SAMMSON: variants seen among roughly 807,000 people sequenced by gnomAD.
SAMMSON encodes survival associated mitochondrial melanoma specific oncogenic non-coding RNA, also known as long intergenic non-protein coding RNA 1212.
At chr3:70,252,809 G>T (rs1385066431) in intron 6 of SAMMSON, among the ~76,000 whole-genome samples, 1 of 152,192 alleles carries the variant, frequency 6.6e-6, no homozygotes, top group Non-Finnish European at 1.5e-5. Context: ...GCCAGGCGCG[G>T]TGGCTCATGC....
chr3:70,398,414 G>C (rs1383563986), intron 2 of SAMMSON, among the ~76,000 whole-genome samples: 1 of 152,062 alleles, frequency 6.6e-6, no homozygotes, highest in African/African-American at 2.4e-5. Flanking sequence ...AGAAAAACTG[G>C]TTTCTTAAAC....
chr3:70,174,206 A>G lies in SAMMSON; in HGVS notation n.508-74901A>G, dbSNP rs140327538. Reference sequence around the variant, plus strand: ...ATTTTCAGGTTTAAACCACACCTCTACATCTGAGTGTTTATTAAGATGGTA... The same window carrying G: ...ATTTTCAGGTTTAAACCACACCTCTGCATCTGAGTGTTTATTAAGATGGTA... On this transcript the variant is annotated intron_variant and non_coding_transcript_variant, in intron 4 of 9. Coordinates refer to ENST00000642114, the Ensembl canonical transcript of SAMMSON. Among the ~76,000 whole-genome samples, 79 of 152,134 alleles carry G rather than the reference A, an allele frequency of 5.2e-4. 1 individual carries two copies. Among genetic ancestry groups the G allele is most frequent in the African/African-American group, 1.8e-3 (76 of 41,550 alleles).
chr3:70,391,867 A>G (rs1479216444), downstream of SAMMSON, among the ~76,000 whole-genome samples: 2 of 152,170 alleles, frequency 1.3e-5, no homozygotes, highest in African/African-American at 4.8e-5. Context: ...AATTTTGTAT[A>G]AAATAAAGAT....
chr3:70,347,918 C>CTA (rs1702763955), intron 7 of SAMMSON, among the ~76,000 whole-genome samples: 1 of 152,138 alleles, frequency 6.6e-6, no homozygotes. Flanking sequence ...TGGTATATGC[C>CTA]TATAATCCCA....
chr3:70,012,304 TGTGA>T (rs1471637807), intron 1 of SAMMSON: 1 of 152,074 alleles, frequency 6.6e-6, no homozygotes, highest in Non-Finnish European at 1.5e-5. Flanking sequence ...ACTTTGTAGA[TGTGA>T]TTAAGAATCT....
chr3:70,406,901 T>G (rs949601652), intron 2 of SAMMSON, among the ~76,000 whole-genome samples: 2 of 152,196 alleles, frequency 1.3e-5, no homozygotes, highest in South Asian at 4.1e-4. Context: ...TATTAGTCTG[T>G]TTTCGTGCTG....
chr3:70,164,749 G>T (rs770996789), intron 4 of SAMMSON, among the ~76,000 whole-genome samples: 9 of 151,990 alleles, frequency 5.9e-5, no homozygotes, highest in African/African-American at 9.7e-5. Context: ...CTACCACAAA[G>T]AATTAAGTGA....
At chr3:70,234,887 T>A (rs1298250444) in intron 4 of SAMMSON, among the ~76,000 whole-genome samples, 1 of 152,178 alleles carries the variant, frequency 6.6e-6, no homozygotes, top group Non-Finnish European at 1.5e-5. Flanking sequence ...CTGTCACTTT[T>A]TAAACGCTGC....
chr3:70,127,971 A>G (rs1191279944), intron 4 of SAMMSON, among the ~76,000 whole-genome samples: 1 of 152,160 alleles, frequency 6.6e-6, no homozygotes, highest in Non-Finnish European at 1.5e-5. Context: ...GATAGTTCAT[A>G]CTCTGGAGTA....
intron 4 of SAMMSON, among the ~76,000 whole-genome samples, chr3:70,082,599 C>T (rs1371628001): frequency 6.6e-6 from 1 of 152,114 alleles, no homozygotes; most frequent in East Asian, 1.9e-4. Flanking sequence ...CTTGCCAATA[C>T]TTAGAGGGAA....
intron 4 of SAMMSON, among the ~76,000 whole-genome samples, chr3:70,111,287 C>T (rs987629191): frequency 3.2e-4 from 49 of 152,040 alleles, no homozygotes; most frequent in Non-Finnish European, 8.8e-5. Flanking sequence ...AAAACCAATT[C>T]GTTGTTGGGT....
intron 3 of SAMMSON, among the ~76,000 whole-genome samples, chr3:70,046,701 T>A (rs992109163): frequency 6.6e-6 from 1 of 152,154 alleles, no homozygotes; most frequent in Non-Finnish European, 1.5e-5. Context: ...GTATTTATTA[T>A]TGTACAGTTC....
intron 9 of SAMMSON, among the ~76,000 whole-genome samples, chr3:70,375,447 C>T (rs1266375837): frequency 2.1e-5 from 3 of 145,532 alleles, no homozygotes; most frequent in Non-Finnish European, 4.5e-5. Context: ...ATCTTTATAT[C>T]GATGCTGTTC....
chr3:70,253,053 C>T (rs74637859), intron 6 of SAMMSON, among the ~76,000 whole-genome samples: 4,368 of 151,990 alleles, frequency 0.029, 164 homozygotes, highest in East Asian at 0.2. Context: ...GTACTCCAGC[C>T]TGGGGGACAA....
intron 9 of SAMMSON, among the ~76,000 whole-genome samples, chr3:70,373,355 T>C (rs1170293180): frequency 6.6e-6 from 1 of 152,178 alleles, no homozygotes; most frequent in Non-Finnish European, 1.5e-5. Flanking sequence ...TCATTTGTTT[T>C]TCCCCATAGG....
intron 4 of SAMMSON, among the ~76,000 whole-genome samples, chr3:70,098,138 A>G (rs890516237): frequency 1.3e-5 from 2 of 152,184 alleles, no homozygotes; most frequent in African/African-American, 4.8e-5. Flanking sequence ...GGATAGAGAA[A>G]TTATTGCAGG....
intron 1 of SAMMSON, among the ~76,000 whole-genome samples, chr3:70,011,045 T>C (rs571275244): frequency 5.3e-5 from 8 of 152,148 alleles, no homozygotes; most frequent in Non-Finnish European, 1.0e-4. Flanking sequence ...AGAGCCAAAC[T>C]ATATCAGCCG....
intron 4 of SAMMSON, among the ~76,000 whole-genome samples, chr3:70,101,667 A>C (rs935099058): frequency 2.6e-5 from 4 of 152,172 alleles, no homozygotes; most frequent in African/African-American, 9.6e-5. Context: ...AATACCTTAC[A>C]TCTGGAGAGC....
intron 7 of SAMMSON, among the ~76,000 whole-genome samples, chr3:70,299,032 C>G (rs1009658327): frequency 2.0e-5 from 3 of 152,190 alleles, no homozygotes; most frequent in East Asian, 3.9e-4. Flanking sequence ...GTGAGGATCT[C>G]ACGTGGTGCT....
Sources: gnomAD v4.1 joint callset for allele counts (sites outside exome capture counted in the v4.1 genomes callset) on GRCh38, gnomAD v4.1.1 for gene constraint, MANE v1.5 for transcripts, NCBI Gene and HGNC (gene_info 2026-07-23, HGNC 2026-07-21) for gene names.